Variants in DAPP1 observed in about 807,000 individuals in gnomAD.
DAPP1 encodes the protein dual adaptor of phosphotyrosine and 3-phosphoinositides 1.
In DAPP1, 20 loss-of-function variants were observed where a neutral mutation model predicts 41.5. The ratio of observed to expected loss-of-function variants is 0.48; its 90% confidence interval spans 0.34 to 0.70. DAPP1 has a LOEUF of 0.70. Among genes scored for constraint, DAPP1 ranks in the 30% least tolerant of loss-of-function variants. The pLI is 0.01. For missense variants in DAPP1, 233 were observed against 333.4 expected (o/e 0.70, Z 2.35); for synonymous variants, 113 against 116.2 (o/e 0.97, Z 0.18).
intron 8 of DAPP1, among the ~76,000 whole-genome samples, chr4:99,867,178 A>G (rs1303794442): frequency 6.6e-6 from 1 of 152,168 alleles, no homozygotes; most frequent in Non-Finnish European, 1.5e-5. Context: ...TTATGTTTTC[A>G]GTTTGAAATT....
chr4:99,868,034 CAT>C (rs1190791878), intron 8 of DAPP1, 81 bp from the exon 9 acceptor site: 3 of 1,182,904 alleles, frequency 2.5e-6, no homozygotes, highest in African/African-American at 3.0e-5. Context: ...TACTAATCAA[CAT>C]GTCTTATTTA....
At position 99,820,995 on chromosome 4, in the gene DAPP1, C is replaced by T. The variant is rs571850644; in HGVS notation, c.101+3981C>T. The stretch of plus-strand genomic sequence containing the variant: ...GACCCACGGAATAAATGATAATAAA[C>T]AAAATGAGTCCGTATTATAAGGCAG... On this transcript the variant is annotated intron_variant, in intron 1 of 8. Coordinates refer to ENST00000512369, the MANE Select transcript of DAPP1 (RefSeq NM_014395.3). 5.3e-5 allele frequency among the ~76,000 whole-genome samples: 8 copies of T among 152,244 alleles called. No individual in the cohort carries two copies. In the East Asian group the frequency reaches 1.2e-3, roughly 22 times the overall value.
chr4:99,856,717 A>C (rs576397796), intron 4 of DAPP1, among the ~76,000 whole-genome samples: 1 of 152,166 alleles, frequency 6.6e-6, no homozygotes, highest in Non-Finnish European at 1.5e-5. Context: ...ATGTATGCTG[A>C]TGGATGACAC....
chr4:99,837,351 T>C (rs1406702661), intron 2 of DAPP1, among the ~76,000 whole-genome samples: 2 of 152,180 alleles, frequency 1.3e-5, no homozygotes, highest in African/African-American at 4.8e-5. Flanking sequence ...CAACTCCCAT[T>C]CCTGGAACAG....
intron 1 of DAPP1, among the ~76,000 whole-genome samples, chr4:99,820,410 GAAAT>G (rs1182174370): frequency 9.6e-6 from 1 of 103,762 alleles, no homozygotes; most frequent in Non-Finnish European, 2.0e-5. Context: ...AAACACAAAA[GAAAT>G]AACAAAATGA....
chr4:99,870,556 G>A (rs1724608188), downstream of DAPP1, among the ~76,000 whole-genome samples: 1 of 152,146 alleles, frequency 6.6e-6, no homozygotes, highest in Non-Finnish European at 1.5e-5. Context: ...CAGCAGTCCT[G>A]CAAAGAAATG....
downstream of DAPP1, among the ~76,000 whole-genome samples, chr4:99,872,248 C>T (rs866502080): frequency 2.0e-5 from 3 of 152,222 alleles, no homozygotes; most frequent in Non-Finnish European, 2.9e-5. Flanking sequence ...GTTGGTATAG[C>T]CATCCAGGCA....
chr4:99,841,813 C>T (rs576710966), intron 3 of DAPP1, among the ~76,000 whole-genome samples: 1 of 152,318 alleles, frequency 6.6e-6, no homozygotes, highest in East Asian at 1.9e-4. Flanking sequence ...TAAATGAATA[C>T]ATGGATAACT....
intron 1 of DAPP1, among the ~76,000 whole-genome samples, chr4:99,824,917 A>G (rs1473979453): frequency 2.0e-5 from 3 of 152,120 alleles, no homozygotes; most frequent in Non-Finnish European, 2.9e-5. Flanking sequence ...TGGGGACCGA[A>G]CAGAAGGATC....
intron 3 of DAPP1, among the ~76,000 whole-genome samples, chr4:99,840,806 T>C (rs1391482224): frequency 2.6e-5 from 4 of 152,222 alleles, no homozygotes; most frequent in Non-Finnish European, 5.9e-5. Flanking sequence ...CAGAGATCAC[T>C]GAATATTGAA....
chr4:99,825,665 A>C (rs890498481), intron 1 of DAPP1, among the ~76,000 whole-genome samples: 25 of 152,024 alleles, frequency 1.6e-4, no homozygotes, highest in African/African-American at 6.0e-4. Flanking sequence ...TATTGGAGAG[A>C]CTCTAGAGAA....
chr4:99,857,642 C>T (rs1171540611), intron 4 of DAPP1, among the ~76,000 whole-genome samples: 1 of 148,702 alleles, frequency 6.7e-6, no homozygotes, highest in East Asian at 2.0e-4. Context: ...TCAGGTTTAA[C>T]ATTTTGTTGC....
At chr4:99,859,078 C>T (rs188282670) in intron 4 of DAPP1, among the ~76,000 whole-genome samples, 104 of 151,890 alleles carry the variant, frequency 6.8e-4, no homozygotes, top group Non-Finnish European at 1.3e-3. Flanking sequence ...TTTGTATTTT[C>T]ATTTTTTTAT....
At chr4:99,831,005 A>C (rs1723102715) in intron 1 of DAPP1, among the ~76,000 whole-genome samples, 1 of 152,226 alleles carries the variant, frequency 6.6e-6, no homozygotes. Flanking sequence ...TAAATTAGAA[A>C]AATCTGATCA....
intron 4 of DAPP1, among the ~76,000 whole-genome samples, chr4:99,855,761 G>A (rs1393612963): frequency 2.6e-5 from 4 of 152,128 alleles, no homozygotes; most frequent in Non-Finnish European, 5.9e-5. Context: ...TTGAACACAA[G>A]TTCTAAGCCT....
intron 4 of DAPP1, among the ~76,000 whole-genome samples, chr4:99,853,945 A>G (rs1723957097): frequency 6.6e-6 from 1 of 152,244 alleles, no homozygotes; most frequent in South Asian, 2.1e-4. Flanking sequence ...GTTTGCATTC[A>G]CATAGTTTTC....
In DAPP1 at chr4:99,853,357, C is replaced by A. The variant is rs1723935586; in HGVS notation, c.489+9C>A. On this transcript the variant is annotated intron_variant, in intron 4 of 8. Coordinates refer to ENST00000512369, the MANE Select transcript of DAPP1 (RefSeq NM_014395.3). ...TGCCCACAGCACCTTCTGTAAGTGACCTTCAACGTGACCACAAGCTCTCTC... is the reference window on the plus strand; with the variant it reads ...TGCCCACAGCACCTTCTGTAAGTGAACTTCAACGTGACCACAAGCTCTCTC... 3.1e-6 allele frequency: 5 copies of A among 1,602,422 alleles called. No homozygotes were observed. The highest frequency in any genetic ancestry group is 1.7e-5 in the Admixed American group (1 of 57,998).
intron 1 of DAPP1, among the ~76,000 whole-genome samples, chr4:99,823,996 TA>T (rs1722858073): frequency 6.6e-6 from 1 of 152,260 alleles, no homozygotes; most frequent in Non-Finnish European, 1.5e-5. Flanking sequence ...AAATATATTA[TA>T]ACTCATTGTT....
intron 2 of DAPP1, among the ~76,000 whole-genome samples, chr4:99,836,008 C>A (rs1484434336): frequency 4.6e-5 from 7 of 152,020 alleles, no homozygotes; most frequent in Admixed American, 1.3e-4. Flanking sequence ...ATCTGAAACC[C>A]AAAGCGGTGG....
Sources: gnomAD v4.1 joint callset for allele counts (sites outside exome capture counted in the v4.1 genomes callset) on GRCh38, gnomAD v4.1.1 for gene constraint, MANE v1.5 for transcripts, NCBI Gene and HGNC (gene_info 2026-07-23, HGNC 2026-07-21) for gene names.